PLD6: variants seen among roughly 807,000 people sequenced by gnomAD.
The protein encoded by PLD6 is mitochondrial cardiolipin hydrolase.
Under a neutral mutation model 9.7 loss-of-function variants are expected in PLD6, and 10 were observed. The ratio of observed to expected loss-of-function variants is 1.03; its 90% confidence interval spans 0.64 to 1.75. The LOEUF (loss-of-function observed/expected upper bound fraction) is 1.75. PLD6 is among the 40% of genes most tolerant of loss of function. PLD6 has a pLI of 0.00. For missense variants in PLD6, 334 were observed against 347.6 expected (o/e 0.96, Z 0.31); for synonymous variants, 152 against 159.2 (o/e 0.96, Z 0.34).
chr17:17,203,209 A>G, intron 1 of PLD6, 111 bp from the exon 2 acceptor site: 1 of 1,145,370 alleles, frequency 8.7e-7, no homozygotes, highest in South Asian at 1.6e-5. Context: ...TGGGCCAGGA[A>G]AGCCCGCCAT....
Position 17,201,738 on chromosome 17 carries a change from T to C in PLD6, c.*1029A>G, listed in dbSNP as rs1325479144. On this transcript the variant is annotated 3_prime_UTR_variant, in exon 2 of 2. Transcript: ENST00000321560. The stretch of plus-strand genomic sequence containing the variant: ...GCTCACACCTGTAATCCCAGCACTT[T>C]GGGAGGCGGAAGTGGTGGATCACTT... The C allele has an allele frequency of 6.6e-6, 1 of 152,180 alleles. No homozygotes were observed. The highest frequency in any genetic ancestry group is 1.5e-5 in the Non-Finnish European group (1 of 68,082). The allele number at this position is 152,180 out of a possible 1,614,324, so 9.4% of individuals were successfully genotyped here. A position where few individuals can be genotyped will look rare whatever the true frequency, so the allele number is the denominator to read the frequency against.
intron 1 of PLD6, among the ~76,000 whole-genome samples, chr17:17,204,943 G>A (rs913656440): frequency 2.0e-5 from 3 of 152,144 alleles, no homozygotes; most frequent in Non-Finnish European, 2.9e-5. Flanking sequence ...AAGGAACAGC[G>A]CGGCGGTGAC....
chr17:17,204,971 A>G (rs1043480028), intron 1 of PLD6, among the ~76,000 whole-genome samples: 3 of 152,156 alleles, frequency 2.0e-5, no homozygotes, highest in South Asian at 2.1e-4. Flanking sequence ...CAGCCTGGAC[A>G]ATTCCCAGGG....
At chr17:17,204,023 C>A (rs1290548066) in intron 1 of PLD6, among the ~76,000 whole-genome samples, 2 of 152,154 alleles carry the variant, frequency 1.3e-5, no homozygotes, top group African/African-American at 2.4e-5. Flanking sequence ...GAGGAGCCAG[C>A]CCTTCTTCTC....
chr17:17,204,066 G>A (rs970568533), intron 1 of PLD6, among the ~76,000 whole-genome samples: 12 of 152,080 alleles, frequency 7.9e-5, no homozygotes, highest in Admixed American at 5.9e-4. Flanking sequence ...ACGTCCTGTC[G>A]GCACAGCCCT....
chr17:17,204,426 T>C (rs4985750), intron 1 of PLD6: 32,850 of 152,424 alleles, frequency 0.22, 5,023 homozygotes, highest in African/African-American at 0.43. Context: ...CCCTTCTCAG[T>C]GCCCTAAATG....
At chr17:17,205,596 G>C (rs1222546440) in intron 1 of PLD6, among the ~76,000 whole-genome samples, 2 of 152,232 alleles carry the variant, frequency 1.3e-5, no homozygotes, top group African/African-American at 4.8e-5. Flanking sequence ...CCTGCTTCCA[G>C]CATGCCGGGA....
chr17:17,202,538 C>T lies in PLD6; in HGVS notation c.*229G>A. On this transcript the variant is annotated 3_prime_UTR_variant, in exon 2 of 2. Transcript: ENST00000321560. The stretch of plus-strand genomic sequence containing the variant: ...AAGATACGGACCACACTCATGAAAG[C>T]ACCCCGTGGCAGGTCGTGACTGAAG... 1.8e-6 allele frequency: 1 copy of T among 554,348 alleles called. No homozygotes were observed. Among genetic ancestry groups the T allele is most frequent in the Admixed American group, 3.1e-5 (1 of 32,152 alleles). The allele number at this position is 554,348 out of a possible 1,614,324, so 34.3% of individuals were successfully genotyped here.
rs367720472 is a variant in PLD6, at chr17:17,205,909, G to A, written c.378C>T (p.Cys126=). 3.4e-5 allele frequency: 53 copies of A among 1,573,724 alleles called. No individual in the cohort carries two copies. The highest frequency in any genetic ancestry group is 4.5e-5 in the Non-Finnish European group (52 of 1,160,518). ...GCGAGCCGTTGAGGGCCATGTAGTCGCAGTCGGTGACGACCCGCACTCGCA... is the reference window on the plus strand; with the variant it reads ...GCGAGCCGTTGAGGGCCATGTAGTCACAGTCGGTGACGACCCGCACTCGCA... ...RGVRVRVVTD[C]DYMALNGSQI... is the part of the protein sequence containing the mutation. The change falls in exon 1 of 2, where the codon TGC becomes TGT. Residue 126 remains cysteine (C), a synonymous_variant. Coordinates refer to ENST00000321560, the MANE Select transcript of PLD6 (RefSeq NM_178836.4).
Position 17,202,866 on chromosome 17 carries a change from C to T in PLD6, c.660G>A (p.Lys220=), listed in dbSNP as rs181989889. ...NPTKYTFFPP[K]KSHGSCAPPV... is the part of the protein sequence containing the mutation. ...GTGGGGCACAGCTTCCGTGACTTTTCTTTGGTGGGAAAAAGGTATACTTTG... is the reference window on the plus strand; with the variant it reads ...GTGGGGCACAGCTTCCGTGACTTTTTTTTGGTGGGAAAAAGGTATACTTTG... The change falls in exon 2 of 2, where the codon AAG becomes AAA. Residue 220 remains lysine (K), a synonymous_variant. Coordinates refer to ENST00000321560, the MANE Select transcript of PLD6 (RefSeq NM_178836.4). 2.8e-5 allele frequency: 46 copies of T among 1,614,146 alleles called. No homozygotes were observed. The highest frequency in any genetic ancestry group is 1.6e-4 in the Middle Eastern group (1 of 6,062).
rs1467372918 is a variant in PLD6, at chr17:17,201,417, G to A, written c.*1350C>T. 3 of 152,236 alleles carry A rather than the reference G, an allele frequency of 2.0e-5. No individual in the cohort carries two copies. In the East Asian group the frequency reaches 5.8e-4, roughly 29 times the overall value. The allele number at this position is 152,236 out of a possible 1,614,324, so 9.4% of individuals were successfully genotyped here. A position where few individuals can be genotyped will look rare whatever the true frequency, so the allele number is the denominator to read the frequency against. The stretch of plus-strand genomic sequence containing the variant: ...GATGTCATCGGAGCTATCTGTATAT[G>A]ACACACACATTATAAACAAATAACC... On this transcript the variant is annotated 3_prime_UTR_variant, in exon 2 of 2. Transcript: ENST00000321560.
Position 17,201,175 on chromosome 17 carries a change from T to A in PLD6, c.*1592A>T, listed in dbSNP as rs76529652. 1 of 152,392 alleles carries A rather than the reference T, an allele frequency of 6.6e-6. No individual in the cohort carries two copies. Among genetic ancestry groups the A allele is most frequent in the East Asian group, 1.9e-4 (1 of 5,190 alleles). The allele number at this position is 152,392 out of a possible 1,614,324, so 9.4% of individuals were successfully genotyped here. A position where few individuals can be genotyped will look rare whatever the true frequency, so the allele number is the denominator to read the frequency against. ...ATATATTATACTTTACAGCTTCAAT[T>A]GAATTTTTTTAAAAGTTAACTTCCA... is the stretch of plus-strand genomic sequence containing the variant. On this transcript the variant is annotated 3_prime_UTR_variant, in exon 2 of 2. Coordinates refer to ENST00000321560, the MANE Select transcript of PLD6 (RefSeq NM_178836.4).
intron 1 of PLD6, among the ~76,000 whole-genome samples, chr17:17,204,065 C>T (rs139179385): frequency 7.9e-4 from 121 of 152,292 alleles, no homozygotes; most frequent in African/African-American, 2.7e-3. Context: ...CACGTCCTGT[C>T]GGCACAGCCC....
At chr17:17,204,693 C>T (rs2046702349) in intron 1 of PLD6, among the ~76,000 whole-genome samples, 1 of 152,210 alleles carries the variant, frequency 6.6e-6, no homozygotes, top group African/African-American at 2.4e-5. Context: ...TCAAACAGAA[C>T]TGTACTGTGC....
In PLD6 at chr17:17,206,271, A is replaced by T. The variant is rs1411606207; in HGVS notation, c.16T>A (p.Trp6Arg). The change falls in exon 1 of 2, where the codon TGG (tryptophan) becomes AGG (arginine). Residue 6 changes from tryptophan to arginine, a missense_variant. Physicochemically the swap from Trp to Arg is moderately radical, Grantham distance 101. Transcript: ENST00000321560. MGRLS[W>R]QVAAAAAVGL... ...ACAGCCGCCGCGGCCGCCACCTGCC[A>T]ACTCAACCGTCCCATGCCGCCGCTA... 4.5e-6 allele frequency: 7 copies of T among 1,542,994 alleles called. No homozygotes were observed. Among genetic ancestry groups the T allele is most frequent in the Non-Finnish European group, 6.1e-6 (7 of 1,155,926 alleles).
At position 17,206,317 on chromosome 17, in the gene PLD6, C is replaced by T; in HGVS notation, c.-31G>A. On this transcript the variant is annotated 5_prime_UTR_variant, in exon 1 of 2. Coordinates refer to ENST00000321560, the MANE Select transcript of PLD6 (RefSeq NM_178836.4). ...CGCTAATCCGGGACCCACAGCCACGCCGCCGCAGCGGAGTCTGCGCGCCCC... is the reference window on the plus strand; with the variant it reads ...CGCTAATCCGGGACCCACAGCCACGTCGCCGCAGCGGAGTCTGCGCGCCCC... The T allele has an allele frequency of 1.3e-6, 2 of 1,494,442 alleles. No individual in the cohort carries two copies. Among genetic ancestry groups the T allele is most frequent in the South Asian group, 1.3e-5 (1 of 79,204 alleles). 92.6% of individuals were successfully genotyped at this position (1,494,442 alleles called of 1,614,324 possible).
intron 1 of PLD6, among the ~76,000 whole-genome samples, chr17:17,204,930 C>G (rs2046704058): frequency 6.6e-6 from 1 of 152,160 alleles, no homozygotes; most frequent in Non-Finnish European, 1.5e-5. Flanking sequence ...TATGGCTGTG[C>G]AGAAGGAACA....
Position 17,206,121 on chromosome 17 carries a change from G to T in PLD6, c.166C>A (p.Arg56=), listed in dbSNP as rs1289056985. Residue 56 remains arginine, a synonymous_variant, in exon 1 of 2, where the codon CGG becomes AGG. Transcript: ENST00000321560. ...SQVTCTEALL[R]APGAELAELP... ...TCGGCCAGCTCCGCGCCCGGAGCCCGCAGCAGGGCCTCGGTACAGGTCACC... is the reference window on the plus strand; with the variant it reads ...TCGGCCAGCTCCGCGCCCGGAGCCCTCAGCAGGGCCTCGGTACAGGTCACC... 1.3e-6 allele frequency: 2 copies of T among 1,485,730 alleles called. No individual in the cohort carries two copies. Among genetic ancestry groups the T allele is most frequent in the East Asian group, 5.6e-5 (2 of 35,744 alleles). 92.0% of individuals were successfully genotyped at this position (1,485,730 alleles called of 1,614,324 possible).
Position 17,202,774 on chromosome 17 carries a change from TGG to T in PLD6, c.750_751del (p.Ser250ArgfsTer26). The T allele has an allele frequency of 6.2e-7, 1 of 1,612,752 alleles. No individual in the cohort carries two copies. Among genetic ancestry groups the T allele is most frequent in the Non-Finnish European group, 8.5e-7 (1 of 1,179,140 alleles). ...GCTCAGCCCCATTCTTGGTTAGGTT[TGG>T]CTTTCGCTGGAGGTGCCGCAAGTTC... On this transcript the variant is annotated frameshift_variant, in exon 2 of 2. Coordinates refer to ENST00000321560, the MANE Select transcript of PLD6 (RefSeq NM_178836.4). LOFTEE classifies it high-confidence loss of function.
Sources: gnomAD v4.1 joint callset for allele counts (sites outside exome capture counted in the v4.1 genomes callset) on GRCh38, gnomAD v4.1.1 for gene constraint, MANE v1.5 for transcripts, NCBI Gene and HGNC (gene_info 2026-07-23, HGNC 2026-07-21) for gene names.